The following HPCAL1 variants were observed in gnomAD, a reference collection of about 807,000 sequenced individuals.
HPCAL1 encodes hippocalcin-like protein 1.
A neutral mutation model predicts 17.1 loss-of-function variants in HPCAL1; 8 were observed. That is an observed-to-expected ratio of 0.47 (90% CI 0.27 to 0.84). The LOEUF is 0.84. HPCAL1 is among the 40% of genes least tolerant of loss of function. The pLI, the probability that HPCAL1 is intolerant of heterozygous loss-of-function variation, is 0.13. For missense variants in HPCAL1, 165 were observed against 271.1 expected, an observed-to-expected ratio of 0.61 and a Z score of 2.75; for synonymous variants, 112 against 111.4, an observed-to-expected ratio of 1.01 and a Z score of -0.03.
intron 2 of HPCAL1, among the ~76,000 whole-genome samples, chr2:10,418,246 C>G (rs1670796705): frequency 6.6e-6 from 1 of 150,682 alleles, no homozygotes; most frequent in Non-Finnish European, 1.5e-5. Context: ...GTGTGAAACC[C>G]TGTCTCTACT....
In HPCAL1 at chr2:10,302,989, TTG is replaced by T. The variant is rs1662364404; in HGVS notation, c.-297_-296del. ...TCCCTCCCTGGCTGCCGGCTTCCTTTTGTCTTTCTGGGCGGCGATGAGCGCAG... is the reference window on the plus strand; with the variant it reads ...TCCCTCCCTGGCTGCCGGCTTCCTTTTCTTTCTGGGCGGCGATGAGCGCAG... On this transcript the variant is annotated 5_prime_UTR_variant, in exon 1 of 5. Coordinates refer to ENST00000307845, the MANE Select transcript of HPCAL1 (RefSeq NM_002149.4). The T allele has an allele frequency of 6.6e-6, 1 of 151,620 alleles. No individual in the cohort carries two copies. The highest frequency in any genetic ancestry group is 6.6e-5 in the Admixed American group (1 of 15,228). 9.4% of individuals were successfully genotyped at this position (151,620 alleles called of 1,614,324 possible).
At position 10,350,918 on chromosome 2, in the gene HPCAL1, C is replaced by T. The variant is rs73163003; in HGVS notation, c.-110-45917C>T. Among the ~76,000 whole-genome samples, 1,243 of 152,274 alleles carry T rather than the reference C, an allele frequency of 8.2e-3. 27 individuals carry two copies. The highest frequency in any genetic ancestry group is 0.028 in the African/African-American group (1,174 of 41,568). On this transcript the variant is annotated intron_variant, in intron 1 of 4. Transcript: ENST00000307845. ...TGCTAGAATCAAAAAGTCCTATAAACTCCAGCGGAGATGAGGAAATGGAGA... is the reference window on the plus strand; with the variant it reads ...TGCTAGAATCAAAAAGTCCTATAAATTCCAGCGGAGATGAGGAAATGGAGA...
intron 1 of HPCAL1, among the ~76,000 whole-genome samples, chr2:10,391,430 A>C (rs1386146138): frequency 2.6e-5 from 4 of 152,172 alleles, no homozygotes; most frequent in South Asian, 2.1e-4. Flanking sequence ...ATTTTTGTTT[A>C]AATCAGCTTT....
At chr2:10,338,211 G>T (rs563717943) in intron 1 of HPCAL1, among the ~76,000 whole-genome samples, 1 of 152,102 alleles carries the variant, frequency 6.6e-6, no homozygotes, top group Non-Finnish European at 1.5e-5. Context: ...TAAGGGGCAC[G>T]GGGTTTCTTC....
rs1395753038 is a variant in HPCAL1, at chr2:10,350,316, GT to G, written c.-110-46518del. 4.4e-5 allele frequency among the ~76,000 whole-genome samples: 6 copies of G among 135,988 alleles called. No homozygotes were observed. The Admixed American group carries it at 4.6e-4, about 11-fold the overall frequency. The allele number at this position is 135,988 out of a possible 152,430, so 89.2% of individuals were successfully genotyped here. ...TTCTTCTGGCCTTTTAAAAATCTAT[GT>G]CCTTTTTTTTTTTTTTTTTTGAGGC... is the stretch of plus-strand genomic sequence containing the variant. On this transcript the variant is annotated intron_variant, in intron 1 of 4. Transcript: ENST00000307845.
rs1263146491 is a variant in HPCAL1, at chr2:10,302,969, C to G, written c.-319C>G. 6.6e-6 allele frequency: 1 copy of G among 151,998 alleles called. No individual in the cohort carries two copies. The highest frequency in any genetic ancestry group is 1.5e-5 in the Non-Finnish European group (1 of 68,052). The allele number at this position is 151,998 out of a possible 1,614,324, so 9.4% of individuals were successfully genotyped here. A position where few individuals can be genotyped will look rare whatever the true frequency, so the allele number is the denominator to read the frequency against. ...GACGGGCGCCTCCACCTTGCTCCCT[C>G]CCTGGCTGCCGGCTTCCTTTTGTCT... On this transcript the variant is annotated 5_prime_UTR_variant, in exon 1 of 5. Coordinates refer to ENST00000307845, the MANE Select transcript of HPCAL1 (RefSeq NM_002149.4).
At position 10,354,543 on chromosome 2, in the gene HPCAL1, T is replaced by C. The variant is rs1445818787; in HGVS notation, c.-110-42292T>C. On this transcript the variant is annotated intron_variant, in intron 1 of 4. Transcript: ENST00000307845. This position sits in a 1 kb window ranked among gnomAD's most constrained non-coding sequence, Gnocchi z 5.1. ...CAGGGTGTCCTGGGTTGGTTTGTTT[T>C]ACAGAAGCAGAGCTCCCAGGGCTCA... Among the ~76,000 whole-genome samples, 2 of 152,198 alleles carry C rather than the reference T, an allele frequency of 1.3e-5. No homozygotes were observed. Among genetic ancestry groups the C allele is most frequent in the South Asian group, 2.1e-4 (1 of 4,830 alleles).
At chr2:10,346,131 C>A (rs1665426672) in intron 1 of HPCAL1, among the ~76,000 whole-genome samples, 1 of 152,026 alleles carries the variant, frequency 6.6e-6, no homozygotes, top group Admixed American at 6.6e-5. Flanking sequence ...GTCCTCAGAC[C>A]CCCCTTGGTC....
At chr2:10,355,508 T>A (rs1362672108) in intron 1 of HPCAL1, among the ~76,000 whole-genome samples, 1 of 138,202 alleles carries the variant, frequency 7.2e-6, no homozygotes, top group African/African-American at 2.8e-5. Flanking sequence ...GCCACACCAC[T>A]GATCACTCAG....
chr2:10,414,658 G>A (rs571210226), intron 2 of HPCAL1, among the ~76,000 whole-genome samples: 1 of 152,292 alleles, frequency 6.6e-6, no homozygotes, highest in African/African-American at 2.4e-5. Context: ...TTTGGGGGAA[G>A]CACAGTTGAG....
At chr2:10,409,350 C>A (rs1469353528) in intron 2 of HPCAL1, among the ~76,000 whole-genome samples, 9 of 152,170 alleles carry the variant, frequency 5.9e-5, no homozygotes, top group Non-Finnish European at 1.3e-4. Flanking sequence ...CCAGATGCAT[C>A]GGCTCCTCCC....
chr2:10,349,310 C>T (rs1331081835), intron 1 of HPCAL1, among the ~76,000 whole-genome samples: 6 of 152,060 alleles, frequency 3.9e-5, no homozygotes, highest in African/African-American at 7.2e-5. Flanking sequence ...GCCCAGGTAG[C>T]CACTCTTCTA....
At chr2:10,425,867 C>T (rs1671370815) in intron 4 of HPCAL1, 1 of 152,406 alleles carries the variant, frequency 6.6e-6, no homozygotes, top group Non-Finnish European at 1.5e-5. Flanking sequence ...TCCTTCCCCA[C>T]CAGCTGGAGC....
intron 1 of HPCAL1, among the ~76,000 whole-genome samples, chr2:10,321,370 A>G (rs1179431525): frequency 6.6e-6 from 1 of 151,438 alleles, no homozygotes; most frequent in East Asian, 1.9e-4. Context: ...ACAATTCAAC[A>G]TGAGATTTGG....
Position 10,390,114 on chromosome 2 carries a change from A to G in HPCAL1, c.-110-6721A>G, listed in dbSNP as rs117335649. ...GCCAGTCAGTTCCCAGTGCCCCAGG[A>G]ACCAGGGGTTTGGTGCTGGGCACTA... On this transcript the variant is annotated intron_variant, in intron 1 of 4. Coordinates refer to ENST00000307845, the MANE Select transcript of HPCAL1 (RefSeq NM_002149.4). Among the ~76,000 whole-genome samples, 1,036 of 152,306 alleles carry G rather than the reference A, an allele frequency of 6.8e-3. 32 individuals are homozygous for G. In the East Asian group the frequency reaches 0.1, roughly 15 times the overall value.
intron 1 of HPCAL1, among the ~76,000 whole-genome samples, chr2:10,319,686 G>T (rs562117504): frequency 2.0e-5 from 3 of 151,728 alleles, no homozygotes; most frequent in African/African-American, 7.3e-5. Context: ...GTAGGGAAAG[G>T]TGCTCTCACA....
intron 1 of HPCAL1, among the ~76,000 whole-genome samples, chr2:10,358,304 C>T (rs751691844): frequency 2.1e-4 from 32 of 152,200 alleles, no homozygotes; most frequent in Non-Finnish European, 3.8e-4. Flanking sequence ...TTAATAGAAT[C>T]GGAGTCTCAC....
rs943544382 is a variant in HPCAL1 at position 10,362,737 on chromosome 2, C to A, written c.-110-34098C>A. 6.6e-5 allele frequency among the ~76,000 whole-genome samples: 10 copies of A among 152,210 alleles called. No individual in the cohort carries two copies. Among genetic ancestry groups the A allele is most frequent in the Non-Finnish European group, 1.3e-4 (9 of 68,040 alleles). ...GTTCACAGAGGGGCTCTCCTGGCAC[C>A]TTCCCCAGCCCAGACGCTGAGGAGG... On this transcript the variant is annotated intron_variant, in intron 1 of 4. Coordinates refer to ENST00000307845, the MANE Select transcript of HPCAL1 (RefSeq NM_002149.4). This position sits in a 1 kb window ranked among gnomAD's most constrained non-coding sequence, Gnocchi z 5.0.
chr2:10,330,288 G>A lies in HPCAL1; in HGVS notation c.-111+27111G>A, dbSNP rs1406894793. The A allele has an allele frequency of 2.0e-5, 3 of 152,146 alleles. No individual in the cohort carries two copies. Among genetic ancestry groups the A allele is most frequent in the Non-Finnish European group, 4.4e-5 (3 of 68,038 alleles). 9.4% of individuals were successfully genotyped at this position (152,146 alleles called of 1,614,324 possible). ...GAGAATTCCTGACTTTTTGGTGGAT[G>A]TTTGCAATTCCCAGAATGCTTATTC... is the stretch of plus-strand genomic sequence containing the variant. On this transcript the variant is annotated intron_variant, in intron 1 of 4. Coordinates refer to ENST00000307845, the MANE Select transcript of HPCAL1 (RefSeq NM_002149.4). This position sits in a 1 kb window ranked among gnomAD's most constrained non-coding sequence, Gnocchi z 4.2.
Sources: allele counts gnomAD v4.1 joint callset (sites outside exome capture counted in the v4.1 genomes callset), GRCh38; gene constraint gnomAD v4.1.1; non-coding constraint Gnocchi (gnomAD v3.1); transcripts MANE v1.5; gene names NCBI Gene and HGNC (gene_info 2026-07-23, HGNC 2026-07-21).